Variants in INPP5B observed in about 807,000 individuals in gnomAD.
INPP5B encodes the protein type II inositol 1,4,5-trisphosphate 5-phosphatase.
Under a neutral mutation model 118.5 loss-of-function variants are expected in INPP5B, and 90 were observed. The ratio of observed to expected loss-of-function variants is 0.76; its 90% confidence interval spans 0.64 to 0.90. The LOEUF (loss-of-function observed/expected upper bound fraction) is 0.90, where lower values mean the gene tolerates loss of function less well. INPP5B is among the 40% of genes least tolerant of loss of function. The pLI is 0.00. For missense variants in INPP5B, 984 were observed against 1,125.6 expected, an observed-to-expected ratio of 0.87 and a Z score of 1.80; for synonymous variants, 385 against 418.9, an observed-to-expected ratio of 0.92 and a Z score of 0.99.
intron 7 of INPP5B, among the ~76,000 whole-genome samples, chr1:37,916,033 A>G (rs1389972201): frequency 1.3e-5 from 2 of 152,216 alleles, no homozygotes; most frequent in African/African-American, 4.8e-5. Flanking sequence ...GATAGGCAGC[A>G]AGGCCTTGAT....
At position 37,873,017 on chromosome 1, in the gene INPP5B, C is replaced by A; in HGVS notation, c.2100G>T (p.Leu700=). The part of the protein sequence containing the change: ...DYFLSVSGNY[L]PSCFGSPIHT... ...GAATGGGAGACCCAAAACAGCTGGG[C>A]AGGTAGTTCCCAGACACAGACAAAA... The change falls in exon 19 of 24, where the codon CTG becomes CTT. Residue 700 remains leucine, a synonymous_variant. Transcript: ENST00000373024. The A allele has an allele frequency of 6.2e-7, 1 of 1,614,152 alleles. No individual in the cohort carries two copies. Among genetic ancestry groups the A allele is most frequent in the Non-Finnish European group, 8.5e-7 (1 of 1,180,022 alleles).
chr1:37,909,700 T>C (rs1644622184), intron 7 of INPP5B, among the ~76,000 whole-genome samples: 1 of 151,880 alleles, frequency 6.6e-6, no homozygotes, highest in Non-Finnish European at 1.5e-5. Context: ...CCCAACCCAC[T>C]CCTGACATTA....
chr1:37,927,832 C>T (rs758206589), intron 7 of INPP5B, among the ~76,000 whole-genome samples: 2 of 152,102 alleles, frequency 1.3e-5, no homozygotes, highest in Non-Finnish European at 2.9e-5. Flanking sequence ...CCACTGCGCC[C>T]GGCCTCATTT....
At chr1:37,912,371 T>C (rs1440029126) in intron 7 of INPP5B, among the ~76,000 whole-genome samples, 1 of 152,228 alleles carries the variant, frequency 6.6e-6, no homozygotes, top group Non-Finnish European at 1.5e-5. Context: ...TGTTCACCCC[T>C]ACTTTCCTTA....
At chr1:37,944,023 C>A in intron 3 of INPP5B, 130 bp from the exon 4 acceptor site, 1 of 687,644 alleles carries the variant, frequency 1.5e-6, no homozygotes, top group South Asian at 1.6e-5. Context: ...TGGCTAGGCA[C>A]ACTCCTCATG....
At chr1:37,901,094 G>A (rs1188314001) in intron 7 of INPP5B, among the ~76,000 whole-genome samples, 3 of 152,210 alleles carry the variant, frequency 2.0e-5, no homozygotes, top group Non-Finnish European at 4.4e-5. Context: ...ACAGGCATGA[G>A]CCACCACGCC....
At chr1:37,878,448 G>T in intron 15 of INPP5B, 125 bp from the exon 16 acceptor site, 2 of 1,475,372 alleles carry the variant, frequency 1.4e-6, no homozygotes, top group East Asian at 5.0e-5. Flanking sequence ...TAAGTCATCT[G>T]AGGCAGCAAG....
rs997950782 is a variant in INPP5B at position 37,873,066 on chromosome 1, T to G, written c.2051A>C (p.His684Pro). The change falls in exon 19 of 24, where the codon CAC (histidine) becomes CCC (proline). Residue 684 changes from histidine to proline, a missense_variant. By Grantham distance (77) the His-to-Pro change is moderately conservative (BLOSUM62 -2). Transcript: ENST00000373024. Reference sequence around the variant, plus strand: ...AAAGTAATCCTTTCCCCTGTCCAAGTGCAGAACCAGAATGTCCTCAATTTT... The same window carrying G: ...AAAGTAATCCTTTCCCCTGTCCAAGGGCAGAACCAGAATGTCCTCAATTTT... ...EDKIEDILVL[H>P]LDRGKDYFLS... is the part of the protein sequence containing the mutation. The G allele has an allele frequency of 1.9e-6, 3 of 1,614,168 alleles. No homozygotes were observed. Among genetic ancestry groups the G allele is most frequent in the Non-Finnish European group, 2.5e-6 (3 of 1,180,026 alleles).
chr1:37,937,561 G>C (rs1645742873), intron 6 of INPP5B, among the ~76,000 whole-genome samples: 2 of 151,796 alleles, frequency 1.3e-5, no homozygotes, highest in Admixed American at 6.6e-5. Flanking sequence ...GAGGTCAGAA[G>C]TTCGAGACCA....
intron 7 of INPP5B, among the ~76,000 whole-genome samples, chr1:37,894,300 G>T (rs927855323): frequency 4.6e-5 from 7 of 152,112 alleles, no homozygotes; most frequent in African/African-American, 1.7e-4. Context: ...ACCTCTCCTA[G>T]GCTGGTTAGA....
At chr1:37,935,459 C>G (rs910497483) in intron 6 of INPP5B, among the ~76,000 whole-genome samples, 1 of 151,498 alleles carries the variant, frequency 6.6e-6, no homozygotes, top group Admixed American at 6.6e-5. Flanking sequence ...TCCCAAAGTG[C>G]TGGGATTACA....
At chr1:37,911,334 C>T (rs1441272421) in intron 7 of INPP5B, among the ~76,000 whole-genome samples, 1 of 152,174 alleles carries the variant, frequency 6.6e-6, no homozygotes, top group Non-Finnish European at 1.5e-5. Flanking sequence ...TTGTTCCTGG[C>T]CCAGACTTCA....
chr1:37,864,518 A>C (rs1357106398), intron 22 of INPP5B, 95 bp from the exon 23 acceptor site: 16 of 682,770 alleles, frequency 2.3e-5, no homozygotes, highest in Non-Finnish European at 3.8e-5. Context: ...ATCCAAGTGC[A>C]CGAGAAAGAC....
At chr1:37,898,475 C>T (rs1432590745) in intron 7 of INPP5B, among the ~76,000 whole-genome samples, 1 of 152,128 alleles carries the variant, frequency 6.6e-6, no homozygotes, top group Non-Finnish European at 1.5e-5. Flanking sequence ...GCGGGTGGAT[C>T]ACGAGGTCAG....
At chr1:37,934,452 T>C (rs1265389547) in intron 6 of INPP5B, among the ~76,000 whole-genome samples, 1 of 152,240 alleles carries the variant, frequency 6.6e-6, no homozygotes, top group Non-Finnish European at 1.5e-5. Flanking sequence ...TAGCTGATGT[T>C]TCTCTAATAG....
chr1:37,878,288 A>G lies in INPP5B; in HGVS notation c.1577T>C (p.Ile526Thr). 6.2e-7 allele frequency: 1 copy of G among 1,614,118 alleles called. No homozygotes were observed. The highest frequency in any genetic ancestry group is 8.5e-7 in the Non-Finnish European group (1 of 1,179,996). ...AGTGATGTTCTTCCCTTTCCAGAGA[A>G]TCCGATCACACCAGGCAGGAGCACG... ...KCRAPAWCDR[I>T]LWKGKNITQL... Residue 526 changes from isoleucine to threonine, a missense_variant, in exon 16 of 24, where the codon ATT becomes ACT. Physicochemically the swap from Ile to Thr is moderately conservative, Grantham distance 89. Coordinates refer to ENST00000373024, the MANE Select transcript of INPP5B (RefSeq NM_005540.3).
Position 37,873,073 on chromosome 1 carries a change from C to A in INPP5B, c.2044G>T (p.Val682Phe). Residue 682 changes from valine (V) to phenylalanine (F), a missense_variant, in exon 19 of 24, where the codon GTT (valine) becomes TTT (phenylalanine). This residue lies in a region of INPP5B where 634 missense variants were observed against 791.0 expected (regional missense o/e 0.80). Coordinates refer to ENST00000373024, the MANE Select transcript of INPP5B (RefSeq NM_005540.3). ...TCCTTTCCCCTGTCCAAGTGCAGAA[C>A]CAGAATGTCCTCAATTTTGTCTTCA... Reference protein sequence around the residue: ...SGEDKIEDILVLHLDRGKDYF... With the variant: ...SGEDKIEDILFLHLDRGKDYF... The A allele has an allele frequency of 6.2e-7, 1 of 1,614,142 alleles. No homozygotes were observed. The highest frequency in any genetic ancestry group is 8.5e-7 in the Non-Finnish European group (1 of 1,180,012).
chr1:37,878,367 G>C (rs780833274), intron 15 of INPP5B, 44 bp from the exon 16 acceptor site: 44 of 1,608,472 alleles, frequency 2.7e-5, no homozygotes, highest in Non-Finnish European at 3.1e-5. Context: ...AGAAACAGCA[G>C]TGCCCGCTGC....
intron 7 of INPP5B, among the ~76,000 whole-genome samples, chr1:37,911,162 T>C (rs1644683948): frequency 6.6e-6 from 1 of 152,222 alleles, no homozygotes; most frequent in African/African-American, 2.4e-5. Flanking sequence ...GCTGCTTTAA[T>C]ACTTTTAGAG....
Sources: gnomAD v4.1 joint callset for allele counts (sites outside exome capture counted in the v4.1 genomes callset) on GRCh38, gnomAD v4.1.1 for gene constraint, gnomAD v4.1.1 regional missense constraint, MANE v1.5 for transcripts, NCBI Gene and HGNC (gene_info 2026-07-23, HGNC 2026-07-21) for gene names.